The following COL18A1 variants were observed in gnomAD, a reference collection of about 807,000 sequenced individuals.
COL18A1 encodes the protein collagen alpha-1(XVIII) chain.
A neutral mutation model predicts 168.0 loss-of-function variants in COL18A1; 133 were observed. The observed-to-expected ratio is 0.79, with a 90% CI of 0.69 to 0.91. The LOEUF (loss-of-function observed/expected upper bound fraction) is 0.91, where lower values mean the gene tolerates loss of function less well. COL18A1 is among the 40% of genes least tolerant of loss of function. COL18A1 has a pLI of 0.00. For synonymous variants in COL18A1, 949 were observed against 809.0 expected, an observed-to-expected ratio of 1.17 and a Z score of -2.94; for missense variants, 2,126 against 1,925.4, an observed-to-expected ratio of 1.10 and a Z score of -1.95.
At chr21:45,481,835 C>A in intron 13 of COL18A1, 128 bp from the exon 14 acceptor site, 1 of 743,350 alleles carries the variant, frequency 1.3e-6, no homozygotes, top group Non-Finnish European at 2.4e-6. Context: ...GGACTCTGGC[C>A]CTGTGTCTGG....
intron 39 of COL18A1, 24 bp from the exon 40 acceptor site, chr21:45,510,040 C>T (rs1419428543): frequency 4.9e-5 from 76 of 1,540,660 alleles, no homozygotes; most frequent in East Asian, 7.3e-5. Flanking sequence ...GGACACAGCC[C>T]GTGACGCGCC....
chr21:45,492,671 G>A lies in COL18A1; in HGVS notation c.2188-16G>A, dbSNP rs777099604. The A allele has an allele frequency of 7.4e-5, 119 of 1,611,286 alleles. No homozygotes were observed. Among genetic ancestry groups the A allele is most frequent in the Middle Eastern group, 1.7e-4 (1 of 6,044 alleles). On this transcript the variant is annotated splice_polypyrimidine_tract_variant and intron_variant, in intron 23 of 41. Transcript: ENST00000651438. The stretch of plus-strand genomic sequence containing the variant: ...GTGCGTGATGACCCCAGCTGACGCC[G>A]TCCCTCTTTCCCCAGGGCCGGCCGG...
intron 6 of COL18A1, among the ~76,000 whole-genome samples, chr21:45,476,921 T>TTGTGTGTGTGTGTGTG (rs56196443): frequency 1.6e-4 from 23 of 146,860 alleles, no homozygotes; most frequent in African/African-American, 5.3e-4. Context: ...ATTATGTGTT[T>TTGTGTGTGTGTGTGTG]TGTGTGTGTG....
At position 45,510,127 on chromosome 21, in the gene COL18A1, T is replaced by A; in HGVS notation, c.3559T>A (p.Phe1187Ile). 2 of 1,599,998 alleles carry A rather than the reference T, an allele frequency of 1.3e-6. No individual in the cohort carries two copies. The highest frequency in any genetic ancestry group is 1.7e-6 in the Non-Finnish European group (2 of 1,174,360). ...CATGCGGGGCATCCGCGGGGCCGAC[T>A]TCCAGTGCTTCCAGCAGGCGCGGGC... is the stretch of plus-strand genomic sequence containing the variant. ...GGMRGIRGAD[F>I]QCFQQARAVG... Residue 1187 changes from phenylalanine (F) to isoleucine (I), a missense_variant, in exon 40 of 42, where the codon TTC becomes ATC. Coordinates refer to ENST00000651438, the MANE Select transcript of COL18A1 (RefSeq NM_001379500.1).
chr21:45,443,418 G>A lies in COL18A1; in HGVS notation c.107-24824G>A, dbSNP rs897766495. On this transcript the variant is annotated intron_variant, in intron 2 of 41. Transcript: ENST00000651438. The surrounding 1 kb of genome is among the most constrained non-coding windows in gnomAD (Gnocchi z 5.2). ...CCTTCACCAGCTTGAAAGGCCGCCC[G>A]TGCCTTTCCTCCTTGGCCCTCACAG... Among the ~76,000 whole-genome samples, 20 of 152,134 alleles carry A rather than the reference G, an allele frequency of 1.3e-4. No individual in the cohort carries two copies. Among genetic ancestry groups the A allele is most frequent in the East Asian group, 7.7e-4 (4 of 5,186 alleles).
chr21:45,475,565 C>G (rs1423245324), intron 5 of COL18A1, 30 bp downstream of exon 5: 2 of 1,585,464 alleles, frequency 1.3e-6, no homozygotes, highest in South Asian at 1.1e-5. Flanking sequence ...CCAGCCCACG[C>G]TGCAGGGTCC....
intron 33 of COL18A1, 167 bp downstream of exon 33, chr21:45,504,221 C>T: frequency 1.1e-6 from 1 of 934,112 alleles, no homozygotes; most frequent in Non-Finnish European, 1.7e-6. Flanking sequence ...ATGTTCCTGT[C>T]CCCGGCTCAG....
At chr21:45,489,877 C>T (rs982153286) in intron 19 of COL18A1, among the ~76,000 whole-genome samples, 7 of 64,052 alleles carry the variant, frequency 1.1e-4, no homozygotes, top group Non-Finnish European at 2.6e-4. Flanking sequence ...TCCCCCACAC[C>T]TCCTCCCCGA....
intron 2 of COL18A1, among the ~76,000 whole-genome samples, chr21:45,466,488 G>A (rs997859914): frequency 3.3e-5 from 5 of 152,212 alleles, no homozygotes; most frequent in Admixed American, 6.5e-5. Context: ...CTGAGCTCTC[G>A]CACCCGGGAA....
At chr21:45,429,718 C>T (rs1388401629) in intron 2 of COL18A1, among the ~76,000 whole-genome samples, 2 of 152,162 alleles carry the variant, frequency 1.3e-5, no homozygotes, top group Admixed American at 6.5e-5. Context: ...CTGTCAGCAT[C>T]CTCTCCAGGG....
intron 2 of COL18A1, among the ~76,000 whole-genome samples, chr21:45,441,254 C>T (rs984273628): frequency 6.6e-6 from 1 of 152,184 alleles, no homozygotes; most frequent in Admixed American, 6.5e-5. Context: ...TTCTGGCACA[C>T]GCTCCTCCAC....
intron 2 of COL18A1, among the ~76,000 whole-genome samples, chr21:45,454,139 C>T (rs778251979): frequency 2.0e-5 from 3 of 152,170 alleles, no homozygotes; most frequent in Non-Finnish European, 2.9e-5. Context: ...TTTGGGAGCA[C>T]GGCCTCACTG....
chr21:45,462,783 T>C (rs1210168184), intron 2 of COL18A1, among the ~76,000 whole-genome samples: 1 of 152,248 alleles, frequency 6.6e-6, no homozygotes, highest in Non-Finnish European at 1.5e-5. Flanking sequence ...CTCCTTTGAA[T>C]GTGCTATATT....
intron 2 of COL18A1, among the ~76,000 whole-genome samples, chr21:45,465,314 G>A (rs538057536): frequency 9.9e-5 from 15 of 152,282 alleles, no homozygotes; most frequent in Middle Eastern, 3.4e-3. Context: ...TGTTGTAAAC[G>A]TGTCCGAGTG....
At position 45,511,086 on chromosome 21, in the gene COL18A1, C is replaced by CAG. The variant is rs747751022; in HGVS notation, c.3694-24_3694-23insGA. 3.5e-6 allele frequency: 4 copies of CAG among 1,151,924 alleles called. No individual in the cohort carries two copies. In the East Asian group the frequency reaches 1.1e-4, roughly 31 times the overall value. 71.4% of individuals were successfully genotyped at this position (1,151,924 alleles called of 1,614,324 possible). On this transcript the variant is annotated intron_variant, in intron 40 of 41. Transcript: ENST00000651438. ...CATCCACACCCCCACACACCACACA[C>CAG]ACATACACACGGTTTCTCTTCCAGG...
rs2035281794 is a variant in COL18A1, at chr21:45,468,169, C to G, written c.107-73C>G. On this transcript the variant is annotated intron_variant, in intron 2 of 41. Coordinates refer to ENST00000651438, the MANE Select transcript of COL18A1 (RefSeq NM_001379500.1). Reference sequence around the variant, plus strand: ...CTCCTTTCTGCCCCTGCCTGGCTGCCTCTCCAGGCCGCGTCGGTGGCCCCT... The same window carrying G: ...CTCCTTTCTGCCCCTGCCTGGCTGCGTCTCCAGGCCGCGTCGGTGGCCCCT... The G allele has an allele frequency of 3.2e-6, 5 of 1,542,268 alleles. No individual in the cohort carries two copies. The Admixed American group carries it at 6.8e-5, about 21-fold the overall frequency.
In COL18A1 at chr21:45,509,597, CGGT is replaced by C; in HGVS notation, c.3495+1_3495+3del. ...GCCCACAGCCACCGCGACTTCCAGC[CGGT>C]GGTGAGTGCCCCCCCAAAGTGGGCT... On this transcript the variant is annotated inframe_deletion and splice_region_variant, in exon 39 of 42. Coordinates refer to ENST00000651438, the MANE Select transcript of COL18A1 (RefSeq NM_001379500.1). 2 of 1,474,778 alleles carry C rather than the reference CGGT, an allele frequency of 1.4e-6. No homozygotes were observed. Among genetic ancestry groups the C allele is most frequent in the South Asian group, 2.4e-5 (2 of 82,540 alleles). The allele number at this position is 1,474,778 out of a possible 1,614,324, so 91.4% of individuals were successfully genotyped here.
chr21:45,423,106 ACCCGGCCGAAGTGGTTTTAATGTC>A lies in COL18A1; in HGVS notation c.106+17637_106+17660del, dbSNP rs2033677977. ...TGGGATTATAGGTGTGAGCCACCGC[ACCCGGCCGAAGTGGTTTTAATGTC>A]CCCACTTTTGACCACTTCTCCTTCT... On this transcript the variant is annotated intron_variant, in intron 2 of 41. Coordinates refer to ENST00000651438, the MANE Select transcript of COL18A1 (RefSeq NM_001379500.1). This position sits in a 1 kb window ranked among gnomAD's most constrained non-coding sequence, Gnocchi z 4.0. Among the ~76,000 whole-genome samples, 1 of 151,818 alleles carries A rather than the reference ACCCGGCCGAAGTGGTTTTAATGTC, an allele frequency of 6.6e-6. No homozygotes were observed. Among genetic ancestry groups the A allele is most frequent in the African/African-American group, 2.4e-5 (1 of 41,302 alleles).
chr21:45,504,130 GC>G (rs2037037172), intron 33 of COL18A1, 76 bp downstream of exon 33: 16 of 1,505,832 alleles, frequency 1.1e-5, no homozygotes, highest in Non-Finnish European at 1.4e-5. Flanking sequence ...CCAATTTCTC[GC>G]CCCATCCGGC....
Sources: gnomAD v4.1 joint callset for allele counts (sites outside exome capture counted in the v4.1 genomes callset) on GRCh38, gnomAD v4.1.1 for gene constraint, Gnocchi (gnomAD v3.1) non-coding constraint, MANE v1.5 for transcripts, NCBI Gene and HGNC (gene_info 2026-07-23, HGNC 2026-07-21) for gene names.